The following ADAMTS6 variants were observed in gnomAD, a reference collection of about 807,000 sequenced individuals.
ADAMTS6 encodes A disintegrin and metalloproteinase with thrombospondin motifs 6.
Under a neutral mutation model 144.3 loss-of-function variants are expected in ADAMTS6, and 23 were observed. That is an observed-to-expected ratio of 0.16 (90% CI 0.11 to 0.23). ADAMTS6 has a LOEUF of 0.23. Among genes scored for constraint, ADAMTS6 ranks in the 10% least tolerant of loss-of-function variants. ADAMTS6 has a pLI of 1.00. For synonymous variants in ADAMTS6, 444 were observed against 457.5 expected, an observed-to-expected ratio of 0.97 and a Z score of 0.38; for missense variants, 999 against 1,379.6, an observed-to-expected ratio of 0.72 and a Z score of 4.37.
At chr5:65,428,485 G>A (rs2150211664) in intron 7 of ADAMTS6, among the ~76,000 whole-genome samples, 2 of 152,004 alleles carry the variant, frequency 1.3e-5, no homozygotes, top group African/African-American at 4.8e-5. Flanking sequence ...CAACTCTATT[G>A]AAAAGTAAAA....
chr5:65,337,223 A>G (rs1018866010), intron 7 of ADAMTS6, among the ~76,000 whole-genome samples: 3 of 152,138 alleles, frequency 2.0e-5, no homozygotes, highest in Admixed American at 1.3e-4. Context: ...TACTTTGTGT[A>G]TACTCACTCA....
chr5:65,369,284 T>A (rs945177027), intron 7 of ADAMTS6, among the ~76,000 whole-genome samples: 1 of 152,184 alleles, frequency 6.6e-6, no homozygotes, highest in African/African-American at 2.4e-5. Flanking sequence ...TGGGTAAGTT[T>A]ATAGCCCACA....
intron 7 of ADAMTS6, among the ~76,000 whole-genome samples, chr5:65,402,295 T>G (rs1364639401): frequency 6.6e-6 from 1 of 152,034 alleles, no homozygotes; most frequent in Non-Finnish European, 1.5e-5. Flanking sequence ...CCTAGGGAAA[T>G]CCAAATCTCT....
chr5:65,380,410 A>T (rs1751946553), intron 7 of ADAMTS6, among the ~76,000 whole-genome samples: 1 of 150,330 alleles, frequency 6.7e-6, no homozygotes, highest in Non-Finnish European at 1.5e-5. Flanking sequence ...CATCTCTACT[A>T]AAAAAAAATA....
intron 7 of ADAMTS6, among the ~76,000 whole-genome samples, chr5:65,375,270 T>G (rs1751408965): frequency 6.6e-6 from 1 of 151,990 alleles, no homozygotes; most frequent in East Asian, 1.9e-4. Flanking sequence ...GGGATCTAAT[T>G]AAACTAAAGA....
chr5:65,196,334 A>G (rs1755352629), intron 21 of ADAMTS6, among the ~76,000 whole-genome samples: 1 of 151,902 alleles, frequency 6.6e-6, no homozygotes, highest in Non-Finnish European at 1.5e-5. Flanking sequence ...GATCCTGGCT[A>G]ACACAGTGAA....
At chr5:65,336,263 C>A (rs959441067) in intron 7 of ADAMTS6, among the ~76,000 whole-genome samples, 1 of 151,988 alleles carries the variant, frequency 6.6e-6, no homozygotes, top group Non-Finnish European at 1.5e-5. Context: ...CATTTCTGTA[C>A]AACCAACTTT....
At chr5:65,220,791 A>T (rs1757271223) in intron 18 of ADAMTS6, among the ~76,000 whole-genome samples, 1 of 152,186 alleles carries the variant, frequency 6.6e-6, no homozygotes. Context: ...AAAATAGACA[A>T]ACAATAGAGA....
chr5:65,367,116 C>T (rs1327169755), intron 7 of ADAMTS6, among the ~76,000 whole-genome samples: 1 of 152,098 alleles, frequency 6.6e-6, no homozygotes, highest in African/African-American at 2.4e-5. Context: ...AATGAATATT[C>T]CCATGATCAA....
intron 18 of ADAMTS6, among the ~76,000 whole-genome samples, chr5:65,217,121 T>C (rs973024855): frequency 1.3e-5 from 2 of 152,202 alleles, no homozygotes; most frequent in Non-Finnish European, 2.9e-5. Context: ...TTTTGAAGAT[T>C]CATTTAATCT....
chr5:65,334,003 A>C (rs574194003), intron 8 of ADAMTS6, 39 bp downstream of exon 8: 87 of 1,163,578 alleles, frequency 7.5e-5, no homozygotes, highest in Non-Finnish European at 9.2e-5. Context: ...TTATTAAAAA[A>C]AAAAAAAAAA....
At chr5:65,294,828 C>T (rs1742674931) in intron 10 of ADAMTS6, among the ~76,000 whole-genome samples, 1 of 151,944 alleles carries the variant, frequency 6.6e-6, no homozygotes. Context: ...TAATATCCCT[C>T]ATTTCCCCCC....
intron 9 of ADAMTS6, among the ~76,000 whole-genome samples, chr5:65,312,559 T>A (rs1348055773): frequency 1.3e-5 from 2 of 152,092 alleles, no homozygotes; most frequent in Admixed American, 1.3e-4. Flanking sequence ...ATATGCAATC[T>A]ACTTTAAAAA....
chr5:65,334,310 G>C (rs6862857), intron 7 of ADAMTS6, among the ~76,000 whole-genome samples: 42,061 of 152,078 alleles, frequency 0.28, 6,634 homozygotes, highest in South Asian at 0.39. Context: ...CTGCCAGTAA[G>C]AAAGAAAGGT....
At chr5:65,417,036 A>C (rs1330257079) in intron 7 of ADAMTS6, among the ~76,000 whole-genome samples, 4 of 152,182 alleles carry the variant, frequency 2.6e-5, no homozygotes. Flanking sequence ...CACCATGATA[A>C]AGGAGGTTTT....
chr5:65,167,325 T>G (rs1366680318), intron 24 of ADAMTS6, among the ~76,000 whole-genome samples: 1 of 152,100 alleles, frequency 6.6e-6, no homozygotes, highest in African/African-American at 2.4e-5. Flanking sequence ...CTCCCAAGAC[T>G]AAACCAGGAA....
intron 7 of ADAMTS6, among the ~76,000 whole-genome samples, chr5:65,431,065 G>A (rs1756968416): frequency 6.6e-6 from 1 of 152,158 alleles, no homozygotes; most frequent in African/African-American, 2.4e-5. Context: ...CTCAGTAAAT[G>A]TTTGTTGAGT....
chr5:65,212,817 A>G (rs1408803215), intron 20 of ADAMTS6, among the ~76,000 whole-genome samples: 1 of 152,124 alleles, frequency 6.6e-6, no homozygotes, highest in Non-Finnish European at 1.5e-5. Context: ...TCTTTTCTCC[A>G]AGCTAATCCA....
chr5:65,391,929 T>G (rs374706660), intron 7 of ADAMTS6, among the ~76,000 whole-genome samples: 17 of 152,108 alleles, frequency 1.1e-4, no homozygotes, highest in African/African-American at 4.1e-4. Flanking sequence ...AGCGATGGGA[T>G]TTTGCCACAT....
Sources: gnomAD v4.1 joint callset for allele counts (sites outside exome capture counted in the v4.1 genomes callset) on GRCh38, gnomAD v4.1.1 for gene constraint, MANE v1.5 for transcripts, NCBI Gene and HGNC (gene_info 2026-07-23, HGNC 2026-07-21) for gene names.